SUCLA2: variants seen among roughly 807,000 people sequenced by gnomAD.
SUCLA2 encodes the protein succinate-CoA ligase ADP-forming subunit beta, also known as succinate--CoA ligase [ADP-forming] subunit beta, mitochondrial.
In SUCLA2, 30 loss-of-function variants were observed where a neutral mutation model predicts 54.8. The observed-to-expected ratio is 0.55, with a 90% CI of 0.41 to 0.74. The LOEUF is 0.74. Among genes scored for constraint, SUCLA2 ranks in the 30% least tolerant of loss-of-function variants. The pLI is 0.00. For synonymous variants in SUCLA2, 172 were observed against 188.9 expected (o/e 0.91, Z 0.74); for missense variants, 476 against 562.9 (o/e 0.85, Z 1.56).
intron 6 of SUCLA2, among the ~76,000 whole-genome samples, chr13:47,957,178 G>C (rs1424526125): frequency 2.6e-5 from 4 of 152,106 alleles, no homozygotes; most frequent in African/African-American, 9.7e-5. Flanking sequence ...CTTACACATT[G>C]TTACATTTTT....
intron 6 of SUCLA2, among the ~76,000 whole-genome samples, chr13:47,968,230 T>C (rs530685096): frequency 2.6e-5 from 4 of 152,322 alleles, no homozygotes; most frequent in East Asian, 1.9e-4. Flanking sequence ...CATTTGGCTA[T>C]TGAGTATTTG....
At chr13:47,963,727 C>T (rs1232977786) in intron 6 of SUCLA2, among the ~76,000 whole-genome samples, 1 of 151,914 alleles carries the variant, frequency 6.6e-6, no homozygotes, top group Non-Finnish European at 1.5e-5. Flanking sequence ...TACACATACA[C>T]ACACACATAC....
intron 6 of SUCLA2, among the ~76,000 whole-genome samples, chr13:47,957,486 G>A (rs936522092): frequency 2.0e-5 from 3 of 152,152 alleles, no homozygotes; most frequent in Non-Finnish European, 4.4e-5. Context: ...GTGAGTGTCA[G>A]TCTCTCTCTG....
At chr13:47,990,952 C>A (rs1950145131) in intron 2 of SUCLA2, among the ~76,000 whole-genome samples, 1 of 152,164 alleles carries the variant, frequency 6.6e-6, no homozygotes, top group Non-Finnish European at 1.5e-5. Flanking sequence ...TATGCGTAGT[C>A]AGCCAAGAGA....
chr13:47,944,605 C>G (rs1949714546), intron 10 of SUCLA2, among the ~76,000 whole-genome samples: 1 of 152,146 alleles, frequency 6.6e-6, no homozygotes, highest in South Asian at 2.1e-4. Flanking sequence ...TATCTCTCCC[C>G]TTTTCCCTTC....
intron 6 of SUCLA2, 34 bp from the exon 7 acceptor site, chr13:47,954,591 T>C: frequency 6.2e-7 from 1 of 1,607,670 alleles, no homozygotes; most frequent in Non-Finnish European, 8.5e-7. Flanking sequence ...TGACCTTAAT[T>C]TCAAGACAGA....
chr13:47,955,391 A>G (rs956882057), intron 6 of SUCLA2, among the ~76,000 whole-genome samples: 2 of 152,008 alleles, frequency 1.3e-5, no homozygotes, highest in Non-Finnish European at 2.9e-5. Context: ...TAGTAGAGAT[A>G]GGGTTTTGCC....
Position 48,001,216 on chromosome 13 carries a change from G to A in SUCLA2, c.54C>T (p.Asn18=). 20 of 1,609,064 alleles carry A rather than the reference G, an allele frequency of 1.2e-5. No individual in the cohort carries two copies. The highest frequency in any genetic ancestry group is 1.7e-5 in the Non-Finnish European group (20 of 1,178,594). The change falls in exon 1 of 11, where the codon AAC becomes AAT. Residue 18 remains asparagine (N), a synonymous_variant. Transcript: ENST00000646932. ...GRLVAVATLR[N]HRPRTAQRAA... is the part of the protein sequence containing the mutation. ...CCCGCTGGGCCGTCCGAGGCCGGTG[G>A]TTCCGAAGGGTGGCCACGGCCACTA...
At chr13:47,958,657 G>A (rs1267196903) in intron 6 of SUCLA2, among the ~76,000 whole-genome samples, 2 of 152,152 alleles carry the variant, frequency 1.3e-5, no homozygotes, top group Admixed American at 6.5e-5. Context: ...TATAAACCCA[G>A]CCAAAACAAA....
At position 47,996,790 on chromosome 13, in the gene SUCLA2, ATCT is replaced by A. The variant is rs1454225486; in HGVS notation, c.271+50_271+52del. On this transcript the variant is annotated intron_variant, in intron 2 of 10. Transcript: ENST00000646932. The stretch of plus-strand genomic sequence containing the variant: ...TTATCAAACCAAAAACAAACTTCAA[ATCT>A]TCTCAGAGCTCTCATGTCAAGGTGG... 2.5e-5 allele frequency: 40 copies of A among 1,579,160 alleles called. 1 individual carries two copies. The South Asian group carries it at 3.7e-4, about 15-fold the overall frequency.
chr13:47,984,906 C>T (rs1278644224), intron 4 of SUCLA2, among the ~76,000 whole-genome samples: 2 of 151,938 alleles, frequency 1.3e-5, no homozygotes, highest in African/African-American at 4.8e-5. Context: ...AAATGTCCCA[C>T]TCATTTGCAG....
chr13:47,956,727 G>A (rs1448079125), intron 6 of SUCLA2: 1 of 152,118 alleles, frequency 6.6e-6, no homozygotes, highest in East Asian at 1.9e-4. Flanking sequence ...ATTTTTGTTT[G>A]TCACAAATGG....
At chr13:47,946,528 A>G (rs1337629633) in intron 10 of SUCLA2, among the ~76,000 whole-genome samples, 2 of 152,012 alleles carry the variant, frequency 1.3e-5, no homozygotes, top group Non-Finnish European at 2.9e-5. Flanking sequence ...ACCTTGTTCT[A>G]TACTTTCCAC....
chr13:47,946,110 G>A (rs1415090392), intron 10 of SUCLA2, among the ~76,000 whole-genome samples: 1 of 152,148 alleles, frequency 6.6e-6, no homozygotes, highest in Non-Finnish European at 1.5e-5. Context: ...TCACCACAAA[G>A]GTGAGTATAG....
chr13:47,993,200 C>G (rs1950162956), intron 2 of SUCLA2, among the ~76,000 whole-genome samples: 1 of 152,216 alleles, frequency 6.6e-6, no homozygotes, highest in Admixed American at 6.5e-5. Flanking sequence ...CCACTGCACT[C>G]CAGCCTGGGT....
At position 47,972,455 on chromosome 13, in the gene SUCLA2, GGT is replaced by G. The variant is rs537014650; in HGVS notation, c.663+807_663+808del. On this transcript the variant is annotated intron_variant, in intron 5 of 10. Transcript: ENST00000646932. ...AGGCCGAGGCGGGTGGATCACCTGA[GGT>G]CAGGAGTTCGAGACCAACCTGATCA... Among the ~76,000 whole-genome samples the G allele has an allele frequency of 3.8e-3, 577 of 151,724 alleles. 1 individual carries two copies. Among genetic ancestry groups the G allele is most frequent in the African/African-American group, 0.014 (561 of 41,432 alleles).
chr13:47,957,902 CTTGT>C (rs780770406), intron 6 of SUCLA2, among the ~76,000 whole-genome samples: 5 of 152,016 alleles, frequency 3.3e-5, no homozygotes, highest in African/African-American at 9.7e-5. Flanking sequence ...ACTTTTGGGG[CTTGT>C]TTGTTGCTGT....
At position 47,963,341 on chromosome 13, in the gene SUCLA2, T is replaced by C. The variant is rs547395663; in HGVS notation, c.802+5254A>G. Among the ~76,000 whole-genome samples, 4 of 152,194 alleles carry C rather than the reference T, an allele frequency of 2.6e-5. No homozygotes were observed. The East Asian group carries it at 7.7e-4, about 29-fold the overall frequency. The stretch of plus-strand genomic sequence containing the variant: ...AGAGTTATCAGTATAAATTTGGAGA[T>C]TTTTAAAAACACAGATAGAAGGCCA... On this transcript the variant is annotated intron_variant, in intron 6 of 10. Coordinates refer to ENST00000646932, the MANE Select transcript of SUCLA2 (RefSeq NM_003850.3).
chr13:47,983,679 CAG>C (rs1950076722), intron 4 of SUCLA2, among the ~76,000 whole-genome samples: 1 of 152,010 alleles, frequency 6.6e-6, no homozygotes, highest in African/African-American at 2.4e-5. Flanking sequence ...TTAGTAGAGA[CAG>C]GGTTTCACCG....
Sources: allele counts gnomAD v4.1 joint callset (sites outside exome capture counted in the v4.1 genomes callset), GRCh38; gene constraint gnomAD v4.1.1; transcripts MANE v1.5; gene names NCBI Gene and HGNC (gene_info 2026-07-23, HGNC 2026-07-21).